Variants in NINL observed in about 807,000 individuals in gnomAD.
NINL encodes ninein-like protein.
In NINL, 153 loss-of-function variants were observed where a neutral mutation model predicts 160.3. The observed-to-expected ratio is 0.95, with a 90% CI of 0.84 to 1.09. NINL has a LOEUF of 1.09. NINL is among the 50% of genes least tolerant of loss of function. The pLI, the probability that NINL is intolerant of heterozygous loss-of-function variation, is 0.00. For missense variants in NINL, 1,829 were observed against 1,764.0 expected (o/e 1.04, Z -0.66); for synonymous variants, 800 against 734.8 (o/e 1.09, Z -1.43).
intron 2 of NINL, among the ~76,000 whole-genome samples, chr20:25,525,382 T>G (rs1175229975): frequency 2.0e-5 from 3 of 152,248 alleles, no homozygotes; most frequent in Non-Finnish European, 4.4e-5. Context: ...CTGGGTGCAG[T>G]GGCTCATACT....
At chr20:25,475,670 GC>G (rs2063215146) in intron 17 of NINL, among the ~76,000 whole-genome samples, 1 of 152,198 alleles carries the variant, frequency 6.6e-6, no homozygotes, top group African/African-American at 2.4e-5. Context: ...GGACAGCCTG[GC>G]TAACATGGTG....
chr20:25,522,053 G>A (rs928315021), intron 2 of NINL, among the ~76,000 whole-genome samples: 1 of 152,100 alleles, frequency 6.6e-6, no homozygotes, highest in East Asian at 1.9e-4. Context: ...CTACATGTGT[G>A]TACCACCACC....
chr20:25,585,373 C>T (rs1251073596), intron 1 of NINL, 82 bp downstream of exon 1: 1 of 152,186 alleles, frequency 6.6e-6, no homozygotes, highest in African/African-American at 2.4e-5. Context: ...GACTAAGGCG[C>T]GGGTCGCGAC....
intron 1 of NINL, among the ~76,000 whole-genome samples, chr20:25,579,788 G>A (rs2065152654): frequency 6.6e-6 from 1 of 152,160 alleles, no homozygotes; most frequent in African/African-American, 2.4e-5. Context: ...CTTCAACAAT[G>A]GAGCAGCCCA....
At chr20:25,487,568 G>C (rs1333742837) in intron 13 of NINL, among the ~76,000 whole-genome samples, 1 of 152,166 alleles carries the variant, frequency 6.6e-6, no homozygotes, top group East Asian at 1.9e-4. Context: ...GATGTAAGAG[G>C]GGCAGGTGGG....
chr20:25,562,204 C>T (rs1165085312), intron 1 of NINL, among the ~76,000 whole-genome samples: 5 of 140,222 alleles, frequency 3.6e-5, no homozygotes, highest in South Asian at 2.4e-4. Flanking sequence ...CCAGCCGCCC[C>T]GTCCGGGAGG....
intron 12 of NINL, among the ~76,000 whole-genome samples, chr20:25,489,634 C>A (rs572734486): frequency 2.5e-4 from 38 of 152,280 alleles, no homozygotes; most frequent in Admixed American, 1.9e-3. Context: ...CCTCCCTCCA[C>A]GCCCCCCACC....
At chr20:25,531,473 T>A (rs1304755718) in intron 1 of NINL, among the ~76,000 whole-genome samples, 2 of 152,216 alleles carry the variant, frequency 1.3e-5, no homozygotes, top group East Asian at 3.8e-4. Flanking sequence ...ACAATTTATG[T>A]TCAGAGATTA....
At chr20:25,479,351 G>C in intron 15 of NINL, 145 bp from the exon 16 acceptor site, 1 of 1,039,220 alleles carries the variant, frequency 9.6e-7, no homozygotes, top group Non-Finnish European at 1.4e-6. Flanking sequence ...GTGCAGAAGG[G>C]GACAGTGACA....
At chr20:25,488,435 A>G (rs569838152) in intron 13 of NINL, among the ~76,000 whole-genome samples, 1 of 152,250 alleles carries the variant, frequency 6.6e-6, no homozygotes, top group East Asian at 1.9e-4. Context: ...CATCTTGGCC[A>G]GGCTGGTCTT....
chr20:25,493,828 C>A (rs1052165634), intron 10 of NINL, among the ~76,000 whole-genome samples: 1 of 150,152 alleles, frequency 6.7e-6, no homozygotes, highest in Non-Finnish European at 1.5e-5. Context: ...GGCCTTGAGG[C>A]CTGGCCCAGC....
chr20:25,513,518 G>A (rs746203507), intron 3 of NINL, among the ~76,000 whole-genome samples: 66 of 152,282 alleles, frequency 4.3e-4, no homozygotes, highest in Non-Finnish European at 7.9e-4. Flanking sequence ...TCCCAAGACA[G>A]CAGGCACCAT....
At chr20:25,540,309 C>T (rs1182237365) in intron 1 of NINL, among the ~76,000 whole-genome samples, 1 of 152,162 alleles carries the variant, frequency 6.6e-6, no homozygotes, top group African/African-American at 2.4e-5. Context: ...GAAAGAAAAT[C>T]CTGTTTTCAT....
intron 3 of NINL, among the ~76,000 whole-genome samples, chr20:25,515,362 A>T (rs2064142096): frequency 6.6e-6 from 1 of 152,190 alleles, no homozygotes; most frequent in South Asian, 2.1e-4. Flanking sequence ...AGGAACATTT[A>T]CCCAATGCCT....
intron 18 of NINL, 127 bp downstream of exon 18, chr20:25,469,864 T>A: frequency 1.5e-6 from 1 of 685,582 alleles, no homozygotes; most frequent in South Asian, 1.8e-5. Context: ...GCTCATGGTT[T>A]AGGGTTTTCT....
chr20:25,468,542 CCG>C (rs2062982209), intron 18 of NINL, among the ~76,000 whole-genome samples: 1 of 129,872 alleles, frequency 7.7e-6, no homozygotes, highest in Non-Finnish European at 1.7e-5. Context: ...GCCCTGTCCC[CCG>C]ACTCTCACTG....
In NINL at chr20:25,481,890, C is replaced by A. The variant is rs968269173; in HGVS notation, c.1810+78G>T. On this transcript the variant is annotated intron_variant, in intron 14 of 23. Coordinates refer to ENST00000278886, the MANE Select transcript of NINL (RefSeq NM_025176.6). ...GCAACATCATCATCTTCATCATCTC[C>A]ACTCTCTTTTCCTGGCTCTGGGCCT... 3.1e-5 allele frequency: 47 copies of A among 1,537,164 alleles called. No individual in the cohort carries two copies. The African/African-American group carries it at 6.0e-4, about 20-fold the overall frequency.
chr20:25,560,853 T>C (rs1243941821), intron 1 of NINL, among the ~76,000 whole-genome samples: 1 of 151,972 alleles, frequency 6.6e-6, no homozygotes, highest in Non-Finnish European at 1.5e-5. Flanking sequence ...TAAAAATATC[T>C]TTCACGAATT....
chr20:25,541,386 A>C (rs2064659601), intron 1 of NINL, among the ~76,000 whole-genome samples: 1 of 152,216 alleles, frequency 6.6e-6, no homozygotes, highest in Non-Finnish European at 1.5e-5. Context: ...TATACAGGCA[A>C]ATGTGTCTGG....
Sources: allele counts gnomAD v4.1 joint callset (sites outside exome capture counted in the v4.1 genomes callset), GRCh38; gene constraint gnomAD v4.1.1; transcripts MANE v1.5; gene names NCBI Gene and HGNC (gene_info 2026-07-23, HGNC 2026-07-21).